Variants in PRKAR2A observed in about 807,000 individuals in gnomAD.
The protein encoded by PRKAR2A is cAMP-dependent protein kinase type II-alpha regulatory subunit.
In PRKAR2A, 29 loss-of-function variants were observed where a neutral mutation model predicts 51.9. The ratio of observed to expected loss-of-function variants is 0.56; its 90% CI spans 0.42 to 0.76. The LOEUF (loss-of-function observed/expected upper bound fraction) is 0.76, where lower values mean the gene tolerates loss of function less well. Among genes scored for constraint, PRKAR2A ranks in the 30% least tolerant of loss-of-function variants. PRKAR2A has a pLI of 0.00. For missense variants in PRKAR2A, 445 were observed against 512.1 expected (o/e 0.87, Z 1.26); for synonymous variants, 178 against 186.2 (o/e 0.96, Z 0.36).
intron 8 of PRKAR2A, among the ~76,000 whole-genome samples, chr3:48,763,466 A>G (rs754896746): frequency 6.6e-6 from 1 of 152,160 alleles, no homozygotes; most frequent in Non-Finnish European, 1.5e-5. Flanking sequence ...CCAGTATGAG[A>G]CAGGCCTAGA....
intron 1 of PRKAR2A, among the ~76,000 whole-genome samples, chr3:48,829,245 G>A (rs868439942): frequency 7.9e-5 from 12 of 151,762 alleles, no homozygotes; most frequent in African/African-American, 1.2e-4. Context: ...AAGGCTGGGC[G>A]CAGAGGCTCA....
chr3:48,819,947 G>GACAA (rs2082935533), intron 1 of PRKAR2A, among the ~76,000 whole-genome samples: 1 of 152,156 alleles, frequency 6.6e-6, no homozygotes, highest in Non-Finnish European at 1.5e-5. Context: ...AAGTCCTTGT[G>GACAA]GGACTTCACT....
intron 8 of PRKAR2A, among the ~76,000 whole-genome samples, chr3:48,758,944 C>T (rs920368298): frequency 1.3e-5 from 2 of 152,114 alleles, no homozygotes; most frequent in African/African-American, 4.8e-5. Flanking sequence ...ATCTAGAATA[C>T]ATGAGAAACA....
chr3:48,809,034 G>C (rs2082728032), intron 1 of PRKAR2A, among the ~76,000 whole-genome samples: 1 of 152,050 alleles, frequency 6.6e-6, no homozygotes, highest in African/African-American at 2.4e-5. Context: ...ACCCACCTTG[G>C]CCTCCCAAAG....
intron 1 of PRKAR2A, among the ~76,000 whole-genome samples, chr3:48,846,774 T>C (rs2083469876): frequency 6.6e-6 from 1 of 152,094 alleles, no homozygotes. Flanking sequence ...AGAGGTGAAA[T>C]GACCTGAGAG....
At chr3:48,761,665 G>T (rs2081864858) in intron 8 of PRKAR2A, among the ~76,000 whole-genome samples, 1 of 152,270 alleles carries the variant, frequency 6.6e-6, no homozygotes, top group African/African-American at 2.4e-5. Flanking sequence ...AGGCTAGAAT[G>T]CAAGTGGCAT....
intron 5 of PRKAR2A, among the ~76,000 whole-genome samples, chr3:48,773,814 A>AAT (rs2082066340): frequency 2.0e-5 from 3 of 150,344 alleles, no homozygotes; most frequent in African/African-American, 7.3e-5. Flanking sequence ...ACATTTTTTG[A>AAT]CATATATATT....
rs1433353361 is a variant in PRKAR2A at position 48,847,182 on chromosome 3, GGT to G, written c.262+151_262+152del. ...GAAGTGGCGCACGCGGGCTCACGCC[GGT>G]GTCTCAGGGAAACGCTAGAAACGCG... On this transcript the variant is annotated intron_variant, in intron 1 of 10. Coordinates refer to ENST00000265563, the MANE Select transcript of PRKAR2A (RefSeq NM_004157.4). The surrounding 1 kb of genome is among the most constrained non-coding windows in gnomAD (Gnocchi z 4.4). Among the ~76,000 whole-genome samples the G allele has an allele frequency of 6.6e-6, 1 of 152,196 alleles. No individual in the cohort carries two copies. Among genetic ancestry groups the G allele is most frequent in the Non-Finnish European group, 1.5e-5 (1 of 68,032 alleles).
chr3:48,811,983 A>C (rs1023561738), intron 1 of PRKAR2A, among the ~76,000 whole-genome samples: 4 of 152,146 alleles, frequency 2.6e-5, no homozygotes, highest in Non-Finnish European at 5.9e-5. Context: ...GAGTGACTGC[A>C]AATAGACACA....
chr3:48,774,479 C>T (rs1054233956), intron 5 of PRKAR2A, among the ~76,000 whole-genome samples: 3 of 151,464 alleles, frequency 2.0e-5, no homozygotes, highest in Admixed American at 6.6e-5. Context: ...TCCTGGGCAA[C>T]GTATGGAGAC....
Position 48,751,644 on chromosome 3 carries a change from C to T in PRKAR2A, c.1156G>A (p.Glu386Lys). ...CCAAACATCTTCACCAGCTGTTCCTCATAGTGTGAGATGTTCCTCTTCATG... is the reference window on the plus strand; with the variant it reads ...CCAAACATCTTCACCAGCTGTTCCTTATAGTGTGAGATGTTCCTCTTCATG... ...DIMKRNISHY[E>K]EQLVKMFGSS... Residue 386 changes from glutamate to lysine, a missense_variant, in exon 11 of 11, where the codon GAG becomes AAG. Transcript: ENST00000265563. 3 of 1,614,088 alleles carry T rather than the reference C, an allele frequency of 1.9e-6. No homozygotes were observed. Among genetic ancestry groups the T allele is most frequent in the Non-Finnish European group, 2.5e-6 (3 of 1,179,980 alleles).
intron 4 of PRKAR2A, among the ~76,000 whole-genome samples, chr3:48,789,782 A>G (rs186378251): frequency 6.6e-6 from 1 of 151,990 alleles, no homozygotes; most frequent in Admixed American, 6.6e-5. Context: ...CAGAAGATTC[A>G]TTCTTACCAT....
chr3:48,818,406 C>G (rs2082905969), intron 1 of PRKAR2A, among the ~76,000 whole-genome samples: 1 of 152,106 alleles, frequency 6.6e-6, no homozygotes, highest in African/African-American at 2.4e-5. Context: ...GAGAACAAAG[C>G]AAGGGTAACA....
chr3:48,841,474 G>A (rs916213494), intron 1 of PRKAR2A, among the ~76,000 whole-genome samples: 2 of 148,156 alleles, frequency 1.3e-5, no homozygotes, highest in Non-Finnish European at 3.0e-5. Flanking sequence ...GAACCAGAAG[G>A]CAGAGGTTGC....
chr3:48,811,287 T>G (rs1224542716), intron 1 of PRKAR2A, among the ~76,000 whole-genome samples: 1 of 152,070 alleles, frequency 6.6e-6, no homozygotes, highest in East Asian at 1.9e-4. Flanking sequence ...GGCAATATAA[T>G]AAGACCTCGT....
At chr3:48,836,419 T>TAAAATAAAAA (rs1398288509) in intron 1 of PRKAR2A, among the ~76,000 whole-genome samples, 5 of 56,094 alleles carry the variant, frequency 8.9e-5, no homozygotes, top group African/African-American at 4.5e-4. Flanking sequence ...AGACTCCGTC[T>TAAAATAAAAA]AAAAAAAAAA....
At chr3:48,781,217 C>T (rs901070613) in intron 5 of PRKAR2A, among the ~76,000 whole-genome samples, 2 of 151,168 alleles carry the variant, frequency 1.3e-5, no homozygotes, top group East Asian at 3.9e-4. Flanking sequence ...AACTCCTGAC[C>T]TCAAGTGATC....
chr3:48,825,694 A>G (rs575285388), intron 1 of PRKAR2A, among the ~76,000 whole-genome samples: 3 of 152,198 alleles, frequency 2.0e-5, no homozygotes, highest in Admixed American at 2.0e-4. Flanking sequence ...ATGATTTCCT[A>G]TTACCCAAGC....
intron 8 of PRKAR2A, among the ~76,000 whole-genome samples, chr3:48,762,833 T>A (rs1010284452): frequency 4.6e-5 from 7 of 152,100 alleles, no homozygotes; most frequent in African/African-American, 1.7e-4. Context: ...TACTGATACA[T>A]ACAACACGAA....
Sources: gnomAD v4.1 joint callset for allele counts (sites outside exome capture counted in the v4.1 genomes callset) on GRCh38, gnomAD v4.1.1 for gene constraint, Gnocchi (gnomAD v3.1) non-coding constraint, MANE v1.5 for transcripts, NCBI Gene and HGNC (gene_info 2026-07-23, HGNC 2026-07-21) for gene names.